WNT7B: variants seen among roughly 807,000 people sequenced by gnomAD.
WNT7B encodes the protein Wnt family member 7B.
In WNT7B, 19 loss-of-function variants were observed where a neutral mutation model predicts 38.2. The ratio of observed to expected loss-of-function variants is 0.50; its 90% CI spans 0.35 to 0.73. The LOEUF is 0.73. Ranked by LOEUF, WNT7B falls within the 30% of genes least tolerant of loss-of-function variation. WNT7B has a pLI of 0.01. For missense variants in WNT7B, 423 were observed against 507.9 expected (o/e 0.83, Z 1.61); for synonymous variants, 243 against 209.3 (o/e 1.16, Z -1.39).
chr22:45,925,801 AC>A (rs1931064954), intron 3 of WNT7B: 1 of 984,682 alleles, frequency 1.0e-6, no homozygotes, highest in African/African-American at 1.8e-5. Context: ...AGTTCACCCC[AC>A]CCCGGGCTGC....
At position 45,965,943 on chromosome 22, in the gene WNT7B, G is replaced by A. The variant is rs1932301859; in HGVS notation, c.71+10741C>T. ...GCCTTAGTAAAACACCGTGACAAGT[G>A]GCATGGACCCGACAGCCAGGAGTCC... is the stretch of plus-strand genomic sequence containing the variant. On this transcript the variant is annotated intron_variant, in intron 1 of 3. Transcript: ENST00000339464. This position sits in a 1 kb window ranked among gnomAD's most constrained non-coding sequence, Gnocchi z 6.5. Among the ~76,000 whole-genome samples the A allele has an allele frequency of 6.6e-6, 1 of 152,188 alleles. No homozygotes were observed. The highest frequency in any genetic ancestry group is 6.5e-5 in the Admixed American group (1 of 15,276).
In WNT7B at chr22:45,942,904, CGT is replaced by C. The variant is rs899074860; in HGVS notation, c.298+7014_298+7015del. On this transcript the variant is annotated intron_variant, in intron 2 of 3. Transcript: ENST00000339464. ...GCATGTATGTGCGTGTGTGTGCGCG[CGT>C]GTGTGCAGTGTGCACGTGTGTGCAT... is the stretch of plus-strand genomic sequence containing the variant. 1.3e-3 allele frequency among the ~76,000 whole-genome samples: 187 copies of C among 148,946 alleles called. 3 individuals are homozygous for C. The highest frequency in any genetic ancestry group is 0.01 in the Middle Eastern group (3 of 290).
intron 2 of WNT7B, among the ~76,000 whole-genome samples, chr22:45,949,644 A>G (rs987795432): frequency 2.6e-5 from 4 of 152,234 alleles, no homozygotes; most frequent in Non-Finnish European, 4.4e-5. Flanking sequence ...TACAGGCCCA[A>G]GGGCCCACGG....
chr22:45,946,728 T>A (rs1284699316), intron 2 of WNT7B, among the ~76,000 whole-genome samples: 1 of 152,012 alleles, frequency 6.6e-6, no homozygotes, highest in African/African-American at 2.4e-5. Context: ...CAGCACAGGG[T>A]CCTTAGAAGA....
rs1932523730 is a variant in WNT7B at position 45,975,051 on chromosome 22, G to A, written c.71+1633C>T. ...AGAAGAATGGACGCTAGGAACAGCA[G>A]CCCACAGTGGGGGGTCAGAGCCAAC... On this transcript the variant is annotated intron_variant, in intron 1 of 3. Coordinates refer to ENST00000339464, the MANE Select transcript of WNT7B (RefSeq NM_058238.3). The surrounding 1 kb of genome is among the most constrained non-coding windows in gnomAD (Gnocchi z 6.6). Among the ~76,000 whole-genome samples the A allele has an allele frequency of 6.6e-6, 1 of 152,116 alleles. No individual in the cohort carries two copies. Among genetic ancestry groups the A allele is most frequent in the South Asian group, 2.1e-4 (1 of 4,820 alleles).
Position 45,931,374 on chromosome 22 carries a change from G to C in WNT7B, c.299-5C>G. ...TGAAGGCAGCCTCACGGCTCCCTGC[G>C]GGGACAGACAGGTGCAGAAGGTGAG... On this transcript the variant is annotated splice_polypyrimidine_tract_variant and splice_region_variant and intron_variant, in intron 2 of 3. Coordinates refer to ENST00000339464, the MANE Select transcript of WNT7B (RefSeq NM_058238.3). The C allele has an allele frequency of 1.9e-6, 3 of 1,581,982 alleles. No homozygotes were observed. The highest frequency in any genetic ancestry group is 1.9e-4 in the Middle Eastern group (1 of 5,160).
intron 1 of WNT7B, among the ~76,000 whole-genome samples, chr22:45,961,806 C>T (rs1249515958): frequency 6.6e-6 from 1 of 152,188 alleles, no homozygotes; most frequent in African/African-American, 2.4e-5. Flanking sequence ...GGTTCGCTTG[C>T]TTGCTTGGGT....
chr22:45,955,464 C>T (rs560399419), intron 1 of WNT7B, among the ~76,000 whole-genome samples: 14 of 152,322 alleles, frequency 9.2e-5, no homozygotes, highest in East Asian at 7.7e-4. Flanking sequence ...GCAAACCCTG[C>T]GGGGCGGACC....
intron 3 of WNT7B, among the ~76,000 whole-genome samples, chr22:45,928,680 CCTCCAAGTCCCA>C (rs1422253801): frequency 6.7e-6 from 1 of 149,108 alleles, no homozygotes. Flanking sequence ...TCACCAGACA[CCTCCAAGTCCCA>C]CACCAAGTCA....
chr22:45,934,777 C>CTAATTCCTTTTTTAT (rs1486771638), intron 2 of WNT7B, among the ~76,000 whole-genome samples: 31 of 152,372 alleles, frequency 2.0e-4, no homozygotes, highest in African/African-American at 7.0e-4. Context: ...GCCGCTCCTG[C>CTAATTCCTTTTTTAT]TAATTCCTTT....
intron 3 of WNT7B, among the ~76,000 whole-genome samples, chr22:45,928,975 G>A (rs1020384580): frequency 1.2e-4 from 14 of 117,870 alleles, no homozygotes; most frequent in South Asian, 5.3e-4. Context: ...GCAGGGACCC[G>A]AGCTTAAGCC....
At chr22:45,972,116 G>GGGGGCCCCCCCCCCCCCCCCCCCCCC in intron 1 of WNT7B, 1 of 530,736 alleles carries the variant, frequency 1.9e-6, no homozygotes, top group Non-Finnish European at 3.3e-6. Context: ...CCCGGGGGGA[G>GGGGGCCCCCCCCCCCCCCCCCCCCCC]CCCACCCGCC....
chr22:45,931,764 A>C (rs947782431), intron 2 of WNT7B, among the ~76,000 whole-genome samples: 5 of 152,058 alleles, frequency 3.3e-5, no homozygotes, highest in Non-Finnish European at 5.9e-5. Context: ...ATGGGTGTCC[A>C]TGCCTCTGCT....
rs371939748 is a variant in WNT7B, at chr22:45,922,810, A to G, written c.*46T>C. 6.5e-5 allele frequency: 102 copies of G among 1,557,524 alleles called. No homozygotes were observed. Among genetic ancestry groups the G allele is most frequent in the Non-Finnish European group, 5.8e-5 (67 of 1,148,938 alleles). Reference sequence around the variant, plus strand: ...GGAAGGTGAGGAGTGGATGTGCAAAATGCCGCCGGGTTCCAGGGTGCCCGC... The same window carrying G: ...GGAAGGTGAGGAGTGGATGTGCAAAGTGCCGCCGGGTTCCAGGGTGCCCGC... On this transcript the variant is annotated 3_prime_UTR_variant, in exon 4 of 4. Coordinates refer to ENST00000339464, the MANE Select transcript of WNT7B (RefSeq NM_058238.3).
intron 3 of WNT7B, chr22:45,927,646 A>C: frequency 1.3e-6 from 1 of 773,284 alleles, no homozygotes; most frequent in Non-Finnish European, 2.3e-6. Flanking sequence ...CTGTAATCCA[A>C]GCACTTTGGG....
intron 1 of WNT7B, among the ~76,000 whole-genome samples, chr22:45,964,084 G>A (rs1932256812): frequency 6.6e-6 from 1 of 152,100 alleles, no homozygotes; most frequent in African/African-American, 2.4e-5. Context: ...GTCCACAGCA[G>A]CCCAGCCTGG....
chr22:45,926,442 T>C (rs1316635013), intron 3 of WNT7B: 1 of 985,262 alleles, frequency 1.0e-6, no homozygotes, highest in African/African-American at 1.7e-5. Context: ...AATTCAATGT[T>C]CTTTCCAGAA....
At chr22:45,933,389 G>C (rs1421950539) in intron 2 of WNT7B, among the ~76,000 whole-genome samples, 2 of 152,204 alleles carry the variant, frequency 1.3e-5, no homozygotes, top group Non-Finnish European at 2.9e-5. Context: ...CCCTGCCTGG[G>C]CCAGGGCCAG....
At chr22:45,926,162 C>T (rs908802015) in intron 3 of WNT7B, 29 of 985,318 alleles carry the variant, frequency 2.9e-5, no homozygotes, top group Middle Eastern at 5.2e-4. Context: ...TGGGTCAGAG[C>T]CTCTCCCAGG....
Sources: allele counts gnomAD v4.1 joint callset (sites outside exome capture counted in the v4.1 genomes callset), GRCh38; gene constraint gnomAD v4.1.1; non-coding constraint Gnocchi (gnomAD v3.1); transcripts MANE v1.5; gene names NCBI Gene and HGNC (gene_info 2026-07-23, HGNC 2026-07-21).